Variants in SLA observed in about 807,000 individuals in gnomAD.
SLA encodes src-like-adapter.
Under a neutral mutation model 30.3 loss-of-function variants are expected in SLA, and 16 were observed. The ratio of observed to expected loss-of-function variants is 0.53; its 90% CI spans 0.36 to 0.80. The LOEUF (loss-of-function observed/expected upper bound fraction) is 0.80, where lower values mean the gene tolerates loss of function less well. Ranked by LOEUF, SLA falls within the 30% of genes least tolerant of loss-of-function variation. SLA has a pLI of 0.01. For missense variants in SLA, 310 were observed against 345.2 expected, an observed-to-expected ratio of 0.90 and a Z score of 0.81; for synonymous variants, 143 against 137.8, an observed-to-expected ratio of 1.04 and a Z score of -0.26.
At chr8:133,095,540 G>A (rs902630523) in intron 1 of SLA, among the ~76,000 whole-genome samples, 2 of 152,208 alleles carry the variant, frequency 1.3e-5, no homozygotes, top group Non-Finnish European at 2.9e-5. Context: ...GGACCGTGGT[G>A]GGCAGGGGAC....
intron 6 of SLA, chr8:133,047,545 T>G: frequency 2.2e-6 from 1 of 447,050 alleles, no homozygotes; most frequent in Non-Finnish European, 4.2e-6. Context: ...ACACACTGCG[T>G]TCAGTTTTGT....
At chr8:133,081,906 A>G (rs1283321253) in intron 1 of SLA, among the ~76,000 whole-genome samples, 3 of 152,206 alleles carry the variant, frequency 2.0e-5, no homozygotes, top group Non-Finnish European at 1.5e-5. Context: ...GCCCCACTCA[A>G]GAGAACACAG....
At chr8:133,085,402 A>G (rs1846366875) in intron 1 of SLA, among the ~76,000 whole-genome samples, 1 of 152,274 alleles carries the variant, frequency 6.6e-6, no homozygotes, top group Non-Finnish European at 1.5e-5. Context: ...GATGCCATGA[A>G]GAAAGTGAAA....
chr8:133,071,157 G>A (rs997664177), intron 2 of SLA, among the ~76,000 whole-genome samples: 4 of 152,180 alleles, frequency 2.6e-5, no homozygotes, highest in African/African-American at 9.7e-5. Flanking sequence ...CAGGAGAGGG[G>A]GCACCAGTGC....
Position 133,059,992 on chromosome 8 carries a change from G to T in SLA, c.61+108C>A, listed in dbSNP as rs1587935566. Reference sequence around the variant, plus strand: ...AGAGACAGATATAATGAGCCCTTCGGTACCCATTGCCCCATTTAAGTAGTT... The same window carrying T: ...AGAGACAGATATAATGAGCCCTTCGTTACCCATTGCCCCATTTAAGTAGTT... On this transcript the variant is annotated intron_variant, in intron 3 of 8. Coordinates refer to ENST00000338087, the MANE Select transcript of SLA (RefSeq NM_001045556.3). 5.4e-6 allele frequency: 6 copies of T among 1,111,438 alleles called. No individual in the cohort carries two copies. In the East Asian group the frequency reaches 1.0e-4, roughly 19 times the overall value. The allele number at this position is 1,111,438 out of a possible 1,614,324, so 68.8% of individuals were successfully genotyped here.
intron 1 of SLA, among the ~76,000 whole-genome samples, chr8:133,081,290 T>A (rs1845704248): frequency 6.6e-6 from 1 of 152,244 alleles, no homozygotes; most frequent in African/African-American, 2.4e-5. Context: ...TCCGTAACTA[T>A]CCCTCAGTAA....
chr8:133,061,301 G>A (rs1277497571), intron 2 of SLA, among the ~76,000 whole-genome samples: 2 of 152,206 alleles, frequency 1.3e-5, no homozygotes, highest in Non-Finnish European at 2.9e-5. Context: ...AAGCCTCCAT[G>A]CCTGGCCAAG....
chr8:133,091,740 G>T (rs1272339900), intron 1 of SLA, among the ~76,000 whole-genome samples: 4 of 152,122 alleles, frequency 2.6e-5, no homozygotes, highest in African/African-American at 9.6e-5. Flanking sequence ...ATGTGTGTGG[G>T]TGTATATTTC....
At chr8:133,094,255 T>C in intron 1 of SLA, among the ~76,000 whole-genome samples, 1 of 151,076 alleles carries the variant, frequency 6.6e-6, no homozygotes, top group Admixed American at 6.6e-5. Context: ...TTTTTTTTTT[T>C]TTTTTGATGG....
intron 3 of SLA, among the ~76,000 whole-genome samples, chr8:133,059,556 C>T (rs1420397419): frequency 2.6e-5 from 4 of 152,122 alleles, no homozygotes; most frequent in Admixed American, 6.5e-5. Flanking sequence ...GCTCTTCCCC[C>T]GAGAATGCTT....
intron 8 of SLA, among the ~76,000 whole-genome samples, chr8:133,039,114 G>C (rs1837665378): frequency 6.6e-6 from 1 of 152,140 alleles, no homozygotes; most frequent in Non-Finnish European, 1.5e-5. Context: ...CCTGACCTTA[G>C]GTGATCTGCC....
chr8:133,081,176 G>A (rs984639839), intron 1 of SLA, among the ~76,000 whole-genome samples: 2 of 152,236 alleles, frequency 1.3e-5, no homozygotes, highest in African/African-American at 4.8e-5. Flanking sequence ...ACCAGATAGA[G>A]GTGCTTTTCT....
At position 133,038,705 on chromosome 8, in the gene SLA, G is replaced by A. The variant is rs771316675; in HGVS notation, c.650C>T (p.Pro217Leu). 2.4e-5 allele frequency: 38 copies of A among 1,613,962 alleles called. No homozygotes were observed. The highest frequency in any genetic ancestry group is 3.1e-5 in the Non-Finnish European group (37 of 1,179,976). Residue 217 changes from proline to leucine, a missense_variant, in exon 9 of 9, where the codon CCG becomes CTG. By Grantham distance (98) the Pro-to-Leu change is moderately conservative. Transcript: ENST00000338087. ...LQEDPEGTEN[P>L]LGVDESLFSY... ...GAAAAGGGACTCGTCTACCCCAAGCGGGTTCTCTGTTCCCTCGGGGTCCTC... is the reference window on the plus strand; with the variant it reads ...GAAAAGGGACTCGTCTACCCCAAGCAGGTTCTCTGTTCCCTCGGGGTCCTC...
intron 1 of SLA, among the ~76,000 whole-genome samples, chr8:133,100,295 C>G (rs1271265676): frequency 6.6e-6 from 1 of 152,174 alleles, no homozygotes; most frequent in Non-Finnish European, 1.5e-5. Flanking sequence ...GAAGCCATAT[C>G]CCCAGCCTTC....
chr8:133,056,959 G>C (rs2131293219), intron 3 of SLA, among the ~76,000 whole-genome samples: 1 of 152,258 alleles, frequency 6.6e-6, no homozygotes, highest in Non-Finnish European at 1.5e-5. Context: ...GCCTGGGGTG[G>C]GACCCAGGAA....
chr8:133,042,069 G>A (rs774487995), intron 7 of SLA, among the ~76,000 whole-genome samples: 9 of 151,970 alleles, frequency 5.9e-5, no homozygotes, highest in Non-Finnish European at 1.3e-4. Context: ...TTACAGGTGT[G>A]AGCCACCACA....
At position 133,038,564 on chromosome 8, in the gene SLA, T is replaced by G; in HGVS notation, c.791A>C (p.Lys264Thr). ...ISLMYGGSKR[K>T]SSFFSSPPYF... ...AGGTGGTGATGAGAAGAATGAGCTC[T>G]TTCTCTTGCTGCCACCATACATCAG... Residue 264 changes from lysine to threonine, a missense_variant, in exon 9 of 9, where the codon AAG becomes ACG. By Grantham distance (78) the Lys-to-Thr change is moderately conservative (BLOSUM62 -1). Coordinates refer to ENST00000338087, the MANE Select transcript of SLA (RefSeq NM_001045556.3). 6.2e-7 allele frequency: 1 copy of G among 1,614,058 alleles called. No individual in the cohort carries two copies. Among genetic ancestry groups the G allele is most frequent in the Non-Finnish European group, 8.5e-7 (1 of 1,179,914 alleles).
intron 2 of SLA, among the ~76,000 whole-genome samples, chr8:133,071,042 T>G (rs1032449726): frequency 4.6e-5 from 7 of 152,220 alleles, no homozygotes; most frequent in African/African-American, 1.7e-4. Flanking sequence ...TTTCCTCTTT[T>G]GGTGTCAGTT....
At chr8:133,039,053 A>G (rs1025995323) in intron 8 of SLA, among the ~76,000 whole-genome samples, 1 of 151,988 alleles carries the variant, frequency 6.6e-6, no homozygotes, top group Non-Finnish European at 1.5e-5. Context: ...AATTTTTTGT[A>G]TTTTGAGTAG....
Sources: gnomAD v4.1 joint callset for allele counts (sites outside exome capture counted in the v4.1 genomes callset) on GRCh38, gnomAD v4.1.1 for gene constraint, MANE v1.5 for transcripts, NCBI Gene and HGNC (gene_info 2026-07-23, HGNC 2026-07-21) for gene names.